Variants in USP9X observed in about 807,000 individuals in gnomAD.
The protein encoded by USP9X is ubiquitin specific peptidase 9 X-linked.
Under a neutral mutation model 190.3 loss-of-function variants are expected in USP9X, and 7 were observed. That is an observed-to-expected ratio of 0.04 (90% CI 0.02 to 0.07). USP9X has a LOEUF of 0.07. Among genes scored for constraint, USP9X ranks in the 10% least tolerant of loss-of-function variants. USP9X has a pLI of 1.00. For missense variants in USP9X, 1,010 were observed against 1,916.9 expected (o/e 0.53, Z 8.83); for synonymous variants, 645 against 659.5 (o/e 0.98, Z 0.34).
intron 30 of USP9X, 70 bp downstream of exon 30, chrX:41,198,820 T>C (rs1261961431): frequency 4.2e-6 from 4 of 961,915 alleles, no homozygotes; most frequent in Non-Finnish European, 5.7e-6. Flanking sequence ...TGTTTTTCTT[T>C]CAGAAAATAT....
Position 41,219,357 on chromosome X carries a change from A to G in USP9X, c.6565+126A>G. On this transcript the variant is annotated intron_variant, in intron 38 of 44. Coordinates refer to ENST00000378308, the MANE Select transcript of USP9X (RefSeq NM_001039591.3). Reference sequence around the variant, plus strand: ...ACAATTTCCCATAAAACCTGTTGTGAATTTTATCTGAACATGGCACTTTCA... The same window carrying G: ...ACAATTTCCCATAAAACCTGTTGTGGATTTTATCTGAACATGGCACTTTCA... The G allele has an allele frequency of 5.8e-6, 4 of 695,376 alleles. No homozygotes were observed. In the South Asian group the frequency reaches 1.3e-4, roughly 22 times the overall value. The allele number at this position is 695,376 out of a possible 1,213,427, so 57.3% of individuals were successfully genotyped here.
At chrX:41,207,246 G>A (rs138559142) in intron 32 of USP9X, among the ~76,000 whole-genome samples, 6,369 of 107,927 alleles carry the variant, frequency 0.059, 206 homozygotes, top group Non-Finnish European at 0.089. Flanking sequence ...ACCACACCCC[G>A]CTAATTTTTT....
At chrX:41,205,843 A>G (rs904866476) in intron 32 of USP9X, among the ~76,000 whole-genome samples, 2 of 101,117 alleles carry the variant, frequency 2.0e-5, no homozygotes, top group African/African-American at 3.6e-5. Flanking sequence ...CATTTAATCT[A>G]TATTCTTAAC....
intron 3 of USP9X, among the ~76,000 whole-genome samples, chrX:41,130,583 G>C (rs754837103): frequency 9.3e-6 from 1 of 107,606 alleles, no homozygotes; most frequent in Non-Finnish European, 1.9e-5. Context: ...TCGCCTCCTG[G>C]GTTCAAGCGA....
intron 21 of USP9X, among the ~76,000 whole-genome samples, chrX:41,181,569 C>T (rs2062827324): frequency 9.4e-6 from 1 of 106,405 alleles, no homozygotes; most frequent in Non-Finnish European, 1.9e-5. Context: ...CTGCCTCAGC[C>T]TCCCGAGTAG....
In USP9X at chrX:41,226,455, A is replaced by C. The variant is rs116118309; in HGVS notation, c.7061+1318A>C. 7.0e-3 allele frequency among the ~76,000 whole-genome samples: 782 copies of C among 112,153 alleles called. 4 individuals are homozygous for C. The highest frequency in any genetic ancestry group is 0.023 in the African/African-American group (716 of 30,904). ...TAGTTTGTTTGGGAAAACAATTCAA[A>C]GTCTATGTCGCAGTTTGCCTCCCAT... is the stretch of plus-strand genomic sequence containing the variant. On this transcript the variant is annotated intron_variant, in intron 41 of 44. Coordinates refer to ENST00000378308, the MANE Select transcript of USP9X (RefSeq NM_001039591.3).
chrX:41,118,292 A>C (rs1405835863), intron 1 of USP9X, among the ~76,000 whole-genome samples: 1 of 108,401 alleles, frequency 9.2e-6, no homozygotes, highest in Non-Finnish European at 1.9e-5. Context: ...ATAACTCCCC[A>C]TCCCCCCAGC....
intron 31 of USP9X, 49 bp from the exon 32 acceptor site, chrX:41,205,254 A>G (rs373901009): frequency 3.9e-5 from 38 of 976,307 alleles, no homozygotes; most frequent in Non-Finnish European, 5.2e-5. Context: ...ATTTGTCTCA[A>G]CGTATTTTAT....
intron 15 of USP9X, among the ~76,000 whole-genome samples, chrX:41,164,451 G>A (rs777177582): frequency 1.6e-4 from 18 of 110,968 alleles, no homozygotes; most frequent in Middle Eastern, 4.7e-3. Flanking sequence ...TTACTGATTG[G>A]CATGTGTTAT....
chrX:41,133,733 C>T, intron 4 of USP9X, among the ~76,000 whole-genome samples: 1 of 111,779 alleles, frequency 8.9e-6, no homozygotes. Context: ...ACCATGGTGA[C>T]CTTTTGTTCC....
At position 41,125,684 on chromosome X, in the gene USP9X, A is replaced by ACACACACACACACTCTCTCT; in HGVS notation, c.96+1961_96+1962insACACACACACACTCTCTCTC. 4.5e-3 allele frequency among the ~76,000 whole-genome samples: 85 copies of ACACACACACACACTCTCTCT among 19,007 alleles called. 1 individual carries two copies. Among genetic ancestry groups the ACACACACACACACTCTCTCT allele is most frequent in the South Asian group, 0.015 (4 of 267 alleles). The allele number at this position is 19,007 out of a possible 115,157, so 16.5% of individuals were successfully genotyped here. On this transcript the variant is annotated intron_variant, in intron 2 of 44. Transcript: ENST00000378308. ...CACACACACACACACACACACACAC[A>ACACACACACACACTCTCTCT]CTCTCTCTCTCTCTCTCTCTCTCTC... is the stretch of plus-strand genomic sequence containing the variant.
intron 29 of USP9X, 75 bp downstream of exon 29, chrX:41,197,585 A>G (rs956786098): frequency 4.4e-6 from 4 of 906,764 alleles, no homozygotes; most frequent in Non-Finnish European, 4.5e-6. Flanking sequence ...TAATTAATTT[A>G]TAGTAGTATC....
intron 39 of USP9X, among the ~76,000 whole-genome samples, chrX:41,224,395 G>C (rs2063294235): frequency 9.0e-6 from 1 of 110,577 alleles, no homozygotes; most frequent in Non-Finnish European, 1.9e-5. Context: ...AGCATTTTGG[G>C]AGGCCGAGGT....
At chrX:41,092,121 C>T (rs1445929343) in intron 1 of USP9X, among the ~76,000 whole-genome samples, 2 of 111,634 alleles carry the variant, frequency 1.8e-5, no homozygotes, top group Non-Finnish European at 1.9e-5. Context: ...TGTTAGTCAA[C>T]CATAATCAAA....
intron 32 of USP9X, among the ~76,000 whole-genome samples, chrX:41,207,023 T>C (rs1253302829): frequency 9.9e-6 from 1 of 100,953 alleles, no homozygotes; most frequent in Non-Finnish European, 2.0e-5. Context: ...TGACCTCAGG[T>C]GATCTGCCTG....
Position 41,197,333 on chromosome X carries a change from CCCCCCCCACCCCA to C in USP9X, c.4234-24_4234-12del. 3.8e-6 allele frequency: 1 copy of C among 266,144 alleles called. No individual in the cohort carries two copies. Among genetic ancestry groups the C allele is most frequent in the Non-Finnish European group, 5.8e-6 (1 of 172,653 alleles). The allele number at this position is 266,144 out of a possible 1,213,427, so 21.9% of individuals were successfully genotyped here. On this transcript the variant is annotated intron_variant, in intron 28 of 44. Transcript: ENST00000378308. ...CATAAGCTAGACATTTGATTTCTTC[CCCCCCCCACCCCA>C]CCCCCCGCCTTTGGCAGGATGATGT...
chrX:41,226,987 T>G (rs1440185906), intron 41 of USP9X, among the ~76,000 whole-genome samples: 1 of 111,562 alleles, frequency 9.0e-6, no homozygotes, highest in African/African-American at 3.3e-5. Context: ...CACTTACAGT[T>G]TTAAACCAGT....
At chrX:41,097,673 T>A (rs1293499630) in intron 1 of USP9X, among the ~76,000 whole-genome samples, 1 of 112,313 alleles carries the variant, frequency 8.9e-6, no homozygotes, top group Non-Finnish European at 1.9e-5. Flanking sequence ...GTTTTACATG[T>A]TTTACAAATC....
At chrX:41,227,860 C>G (rs1376840260) in intron 41 of USP9X, among the ~76,000 whole-genome samples, 1 of 111,647 alleles carries the variant, frequency 9.0e-6, no homozygotes, top group Admixed American at 9.5e-5. Flanking sequence ...GCCACCATGC[C>G]TGGCTAATTA....
Sources: allele counts gnomAD v4.1 joint callset (sites outside exome capture counted in the v4.1 genomes callset), GRCh38; gene constraint gnomAD v4.1.1; transcripts MANE v1.5; gene names NCBI Gene and HGNC (gene_info 2026-07-23, HGNC 2026-07-21).